Variants in ARHGEF4 observed in about 807,000 individuals in gnomAD.
ARHGEF4 encodes the protein APC-stimulated guanine nucleotide exchange factor 1.
ARHGEF4 carries 119 observed loss-of-function variants against 162.0 expected under a neutral mutation model. The observed-to-expected ratio is 0.73, with a 90% confidence interval of 0.63 to 0.86. The LOEUF (loss-of-function observed/expected upper bound fraction) is 0.86. Among genes scored for constraint, ARHGEF4 ranks in the 40% least tolerant of loss-of-function variants. The pLI, the probability that ARHGEF4 is intolerant of heterozygous loss-of-function variation, is 0.00. For missense variants in ARHGEF4, 2,488 were observed against 2,456.0 expected, an observed-to-expected ratio of 1.01 and a Z score of -0.28; for synonymous variants, 1,014 against 979.9, an observed-to-expected ratio of 1.03 and a Z score of -0.65.
At chr2:130,889,994 C>T (rs992736005) in intron 1 of ARHGEF4, among the ~76,000 whole-genome samples, 2 of 151,834 alleles carry the variant, frequency 1.3e-5, no homozygotes, top group Non-Finnish European at 2.9e-5. Context: ...GCATTTTTTC[C>T]TCCTCTGGCT....
At chr2:130,880,268 T>C (rs1679109349) in intron 1 of ARHGEF4, among the ~76,000 whole-genome samples, 1 of 152,168 alleles carries the variant, frequency 6.6e-6, no homozygotes, top group African/African-American at 2.4e-5. Context: ...GGTGGTGTCA[T>C]TACCGATGTT....
At position 130,844,946 on chromosome 2, in the gene ARHGEF4, C is replaced by T. The variant is rs755154786; in HGVS notation, c.39+7954C>T. 7.2e-4 allele frequency among the ~76,000 whole-genome samples: 110 copies of T among 151,922 alleles called. 1 individual carries two copies. The highest frequency in any genetic ancestry group is 1.4e-3 in the Non-Finnish European group (92 of 68,022). ...TCAAGTGATTCTCCTACCTCAGTCTCTAAAGTAGCTGGGATTACAGGCGTC... is the reference window on the plus strand; with the variant it reads ...TCAAGTGATTCTCCTACCTCAGTCTTTAAAGTAGCTGGGATTACAGGCGTC... On this transcript the variant is annotated intron_variant, in intron 1 of 13. Transcript: ENST00000409359.
At chr2:130,940,639 G>A (rs1162651047) in intron 3 of ARHGEF4, among the ~76,000 whole-genome samples, 1 of 145,900 alleles carries the variant, frequency 6.9e-6, no homozygotes, top group African/African-American at 2.5e-5. Context: ...AGGAGATCGA[G>A]ACCACGGTGA....
chr2:130,996,477 A>G (rs1283000347), intron 4 of ARHGEF4, among the ~76,000 whole-genome samples: 1 of 152,240 alleles, frequency 6.6e-6, no homozygotes, highest in African/African-American at 2.4e-5. Context: ...GTTGCTGTGT[A>G]TATTTTCAGT....
At chr2:130,856,660 T>A (rs759025759) in intron 1 of ARHGEF4, among the ~76,000 whole-genome samples, 1 of 152,210 alleles carries the variant, frequency 6.6e-6, no homozygotes, top group Non-Finnish European at 1.5e-5. Flanking sequence ...CATGTATCAT[T>A]GTATTGGTGG....
chr2:130,887,519 C>T (rs867956744), intron 1 of ARHGEF4, among the ~76,000 whole-genome samples: 2 of 152,142 alleles, frequency 1.3e-5, no homozygotes, highest in South Asian at 2.1e-4. Context: ...TTATTAGTGT[C>T]TTTTAATGTC....
At position 131,005,305 on chromosome 2, in the gene ARHGEF4, G is replaced by A. The variant is rs1688049668; in HGVS notation, c.3986-22640G>A. On this transcript the variant is annotated intron_variant, in intron 4 of 13. Coordinates refer to ENST00000409359, the MANE Select transcript of ARHGEF4 (RefSeq NM_001367493.1). ...GCTCGGCCTCATTCCTCACATCCAG[G>A]TAGAAATCGGGAAGTGCAGCCAGGG... Among the ~76,000 whole-genome samples, 3 of 152,268 alleles carry A rather than the reference G, an allele frequency of 2.0e-5. No homozygotes were observed. The South Asian group carries it at 6.2e-4, about 32-fold the overall frequency.
At position 131,042,051 on chromosome 2, in the gene ARHGEF4, T is replaced by C. The variant is rs544962883; in HGVS notation, c.5025+107T>C. The C allele has an allele frequency of 7.0e-6, 10 of 1,431,012 alleles. 1 individual carries two copies. The African/African-American group carries it at 1.1e-4, about 16-fold the overall frequency. The allele number at this position is 1,431,012 out of a possible 1,614,324, so 88.6% of individuals were successfully genotyped here. ...AGGGAGCTGAAGCAGGGAGCTGCGCTCCTGGGAGCTAGCAACAGATGCTCA... is the reference window on the plus strand; with the variant it reads ...AGGGAGCTGAAGCAGGGAGCTGCGCCCCTGGGAGCTAGCAACAGATGCTCA... On this transcript the variant is annotated intron_variant, in intron 10 of 13. Transcript: ENST00000409359.
At chr2:130,865,453 G>A (rs753183039) in intron 1 of ARHGEF4, among the ~76,000 whole-genome samples, 4 of 152,150 alleles carry the variant, frequency 2.6e-5, no homozygotes, top group South Asian at 2.1e-4. Flanking sequence ...GCTGAGCCTC[G>A]GAAATATCCT....
chr2:130,853,563 G>A (rs1189417950), intron 1 of ARHGEF4, among the ~76,000 whole-genome samples: 1 of 152,238 alleles, frequency 6.6e-6, no homozygotes. Context: ...TGGGCCTCCT[G>A]TGTGTCCCCT....
rs1353405388 is a variant in ARHGEF4, at chr2:131,023,072, CTCAA to C, written c.3986-4872_3986-4869del. ...CCTGGGCAACATGGTGAAACCCTGT[CTCAA>C]AAAAAAAAAAAAAAAAAAAGAACTT... On this transcript the variant is annotated intron_variant, in intron 4 of 13. Coordinates refer to ENST00000409359, the MANE Select transcript of ARHGEF4 (RefSeq NM_001367493.1). Among the ~76,000 whole-genome samples, 34 of 5,604 alleles carry C rather than the reference CTCAA, an allele frequency of 6.1e-3. 2 individuals carry two copies. The highest frequency in any genetic ancestry group is 0.015 in the Non-Finnish European group (13 of 882). 3.7% of individuals were successfully genotyped at this position (5,604 alleles called of 152,430 possible). A position where few individuals can be genotyped will look rare whatever the true frequency, so the allele number is the denominator to read the frequency against.
chr2:131,040,238 G>C, intron 7 of ARHGEF4, 23 bp from the exon 8 acceptor site: 2 of 1,611,204 alleles, frequency 1.2e-6, no homozygotes, highest in Non-Finnish European at 1.7e-6. Context: ...GGTCGGGGGA[G>C]GCCTAACCAC....
At position 131,046,456 on chromosome 2, in the gene ARHGEF4, T is replaced by C. The variant is rs953566458; in HGVS notation, c.*267T>C. The stretch of plus-strand genomic sequence containing the variant: ...TTGGGCCCCATCCGCCCTCTGGACC[T>C]GTGTAGGGCCTCACTGCTGGAGCGG... On this transcript the variant is annotated 3_prime_UTR_variant, in exon 14 of 14. Coordinates refer to ENST00000409359, the MANE Select transcript of ARHGEF4 (RefSeq NM_001367493.1). The C allele has an allele frequency of 4.9e-5, 23 of 468,206 alleles. No homozygotes were observed. In the South Asian group the frequency reaches 5.3e-4, roughly 11 times the overall value. The allele number at this position is 468,206 out of a possible 1,614,324, so 29.0% of individuals were successfully genotyped here.
chr2:130,876,213 G>A (rs901755343), intron 1 of ARHGEF4, among the ~76,000 whole-genome samples: 1 of 152,126 alleles, frequency 6.6e-6, no homozygotes, highest in Non-Finnish European at 1.5e-5. Flanking sequence ...CCTCCTGGGG[G>A]CACAGGCGGC....
intron 1 of ARHGEF4, among the ~76,000 whole-genome samples, chr2:130,844,298 C>T (rs768278710): frequency 1.7e-4 from 26 of 152,204 alleles, no homozygotes; most frequent in Non-Finnish European, 2.6e-4. Flanking sequence ...TCCCTGGCTC[C>T]GGGACCCTCC....
At chr2:130,845,262 GTAA>G (rs1680878160) in intron 1 of ARHGEF4, among the ~76,000 whole-genome samples, 1 of 149,844 alleles carries the variant, frequency 6.7e-6, no homozygotes, top group African/African-American at 2.4e-5. Context: ...GCTCACACCT[GTAA>G]TCCCAGCACT....
intron 4 of ARHGEF4, among the ~76,000 whole-genome samples, chr2:130,950,218 G>A: frequency 6.6e-6 from 1 of 152,214 alleles, no homozygotes; most frequent in East Asian, 1.9e-4. Flanking sequence ...CCCCTCACTA[G>A]AATTTCTTCT....
intron 4 of ARHGEF4, among the ~76,000 whole-genome samples, chr2:130,982,026 T>C (rs1686152712): frequency 1.3e-5 from 2 of 152,092 alleles, no homozygotes; most frequent in South Asian, 2.1e-4. Flanking sequence ...TGAGATGGAG[T>C]CCTACTCTGT....
chr2:130,991,529 G>GCACTC (rs1686968655), intron 4 of ARHGEF4, among the ~76,000 whole-genome samples: 4 of 152,186 alleles, frequency 2.6e-5, no homozygotes, highest in African/African-American at 9.6e-5. Flanking sequence ...TGGCGGGCCC[G>GCACTC]GCACTCGGAG....
Sources: gnomAD v4.1 joint callset for allele counts (sites outside exome capture counted in the v4.1 genomes callset) on GRCh38, gnomAD v4.1.1 for gene constraint, MANE v1.5 for transcripts, NCBI Gene and HGNC (gene_info 2026-07-23, HGNC 2026-07-21) for gene names.